Variants in DLG2 observed in about 807,000 individuals in gnomAD.
The protein encoded by DLG2 is discs large MAGUK scaffold protein 2, also known as disks large homolog 2.
In DLG2, 45 loss-of-function variants were observed where a neutral mutation model predicts 132.5. The observed-to-expected ratio is 0.34, with a 90% CI of 0.27 to 0.44. DLG2 has a LOEUF of 0.44. Among genes scored for constraint, DLG2 ranks in the 20% least tolerant of loss-of-function variants. The pLI, the probability that DLG2 is intolerant of heterozygous loss-of-function variation, is 1.00. For missense variants in DLG2, 1,045 were observed against 1,196.9 expected (o/e 0.87, Z 1.87); for synonymous variants, 424 against 419.6 (o/e 1.01, Z -0.13).
chr11:85,370,362 T>A (rs982112698), intron 3 of DLG2, among the ~76,000 whole-genome samples: 1 of 152,166 alleles, frequency 6.6e-6, no homozygotes, highest in Non-Finnish European at 1.5e-5. Context: ...TTGAGTTAAA[T>A]TAGGAAAAAG....
intron 6 of DLG2, among the ~76,000 whole-genome samples, chr11:84,589,206 A>G (rs2099537080): frequency 6.6e-6 from 1 of 152,192 alleles, no homozygotes; most frequent in South Asian, 2.1e-4. Flanking sequence ...GGAGCTTGAG[A>G]TGAAAATAAA....
chr11:84,894,602 T>C (rs1244819374), intron 6 of DLG2, among the ~76,000 whole-genome samples: 1 of 152,102 alleles, frequency 6.6e-6, no homozygotes, highest in African/African-American at 2.4e-5. Flanking sequence ...ACAAGAATTG[T>C]TTGAGTAAAT....
intron 7 of DLG2, among the ~76,000 whole-genome samples, chr11:84,342,978 A>G (rs1286959208): frequency 1.3e-5 from 2 of 152,212 alleles, no homozygotes; most frequent in Non-Finnish European, 2.9e-5. Context: ...ACCAGGGATG[A>G]CACAATGCCC....
chr11:85,488,767 T>C (rs555102297), intron 3 of DLG2, among the ~76,000 whole-genome samples: 2 of 152,120 alleles, frequency 1.3e-5, no homozygotes, highest in Non-Finnish European at 2.9e-5. Flanking sequence ...TTAATGTTCA[T>C]AAATGAAGGA....
chr11:83,537,328 C>T (rs916903257), intron 20 of DLG2, among the ~76,000 whole-genome samples: 1 of 152,106 alleles, frequency 6.6e-6, no homozygotes, highest in Non-Finnish European at 1.5e-5. Flanking sequence ...CATCATTTGT[C>T]CTTCGGAGTT....
chr11:85,247,169 A>G (rs999292304), intron 4 of DLG2, among the ~76,000 whole-genome samples: 1 of 152,132 alleles, frequency 6.6e-6, no homozygotes, highest in Non-Finnish European at 1.5e-5. Flanking sequence ...TATCTGGGAT[A>G]CAATATAAGC....
At chr11:85,210,267 T>A (rs1042043824) in intron 4 of DLG2, among the ~76,000 whole-genome samples, 15 of 152,196 alleles carry the variant, frequency 9.9e-5, no homozygotes, top group Middle Eastern at 3.4e-3. Flanking sequence ...AACAGATGAA[T>A]AAGCCCTCAT....
chr11:85,387,045 A>T (rs890130393), intron 3 of DLG2, among the ~76,000 whole-genome samples: 1 of 151,428 alleles, frequency 6.6e-6, no homozygotes, highest in African/African-American at 2.4e-5. Context: ...ACACCACCAC[A>T]CTCAGATAAT....
intron 6 of DLG2, among the ~76,000 whole-genome samples, chr11:84,618,211 A>G (rs141982013): frequency 2.0e-5 from 3 of 152,184 alleles, no homozygotes; most frequent in East Asian, 3.9e-4. Context: ...GAGAAGTCCA[A>G]AGAGGTTGAA....
chr11:83,779,132 A>T (rs1308146974), intron 18 of DLG2, among the ~76,000 whole-genome samples: 1 of 152,206 alleles, frequency 6.6e-6, no homozygotes, highest in Non-Finnish European at 1.5e-5. Context: ...TTAATGTAAC[A>T]TATTAGGTGA....
chr11:83,953,600 A>G (rs189022413), intron 14 of DLG2, among the ~76,000 whole-genome samples: 14 of 152,252 alleles, frequency 9.2e-5, no homozygotes, highest in African/African-American at 3.4e-4. Context: ...GCAGGAAATC[A>G]CCCAGGGATT....
At chr11:84,499,599 C>T (rs1202465827) in intron 7 of DLG2, among the ~76,000 whole-genome samples, 1 of 152,098 alleles carries the variant, frequency 6.6e-6, no homozygotes, top group Non-Finnish European at 1.5e-5. Flanking sequence ...AAATATAATG[C>T]AAAGATTAAC....
chr11:83,843,836 C>T (rs2058092254), intron 16 of DLG2, among the ~76,000 whole-genome samples: 1 of 152,098 alleles, frequency 6.6e-6, no homozygotes. Context: ...TATTGAGATG[C>T]TATTTCCAGT....
At chr11:84,467,767 G>T (rs1286889557) in intron 7 of DLG2, among the ~76,000 whole-genome samples, 1 of 151,434 alleles carries the variant, frequency 6.6e-6, no homozygotes, top group East Asian at 1.9e-4. Flanking sequence ...CATCTCTTGT[G>T]TGGTAACACC....
chr11:84,112,166 AT>A (rs1195926252), intron 9 of DLG2, among the ~76,000 whole-genome samples: 1 of 151,368 alleles, frequency 6.6e-6, no homozygotes, highest in Non-Finnish European at 1.5e-5. Flanking sequence ...CACCCAGCTA[AT>A]TTTTGTATTT....
chr11:85,183,863 A>C (rs377081243), intron 4 of DLG2, among the ~76,000 whole-genome samples: 4 of 151,974 alleles, frequency 2.6e-5, no homozygotes, highest in Non-Finnish European at 5.9e-5. Flanking sequence ...CAATGGAAGG[A>C]AAAAATAAAA....
At chr11:83,725,044 A>C in intron 18 of DLG2, 2 of 601,730 alleles carry the variant, frequency 3.3e-6, no homozygotes, top group Non-Finnish European at 6.0e-6. Context: ...CTACCTTCCC[A>C]GGCTAGTGGC....
intron 3 of DLG2, among the ~76,000 whole-genome samples, chr11:85,531,702 G>T (rs772015335): frequency 1.3e-5 from 2 of 152,156 alleles, no homozygotes; most frequent in African/African-American, 4.8e-5. Flanking sequence ...ACAATAAAGT[G>T]AGCCTGTGAC....
In DLG2 at chr11:85,387,242, A is replaced by T. The variant is rs537051291; in HGVS notation, c.41-101877T>A. Among the ~76,000 whole-genome samples, 6 of 152,284 alleles carry T rather than the reference A, an allele frequency of 3.9e-5. No individual in the cohort carries two copies. The East Asian group carries it at 1.2e-3, about 29-fold the overall frequency. On this transcript the variant is annotated intron_variant, in intron 3 of 27. Transcript: ENST00000376104. ...AAGAACATTCCAGTGCACACCAATTATTGCAAATTGTACTCTACAACATTT... is the reference window on the plus strand; with the variant it reads ...AAGAACATTCCAGTGCACACCAATTTTTGCAAATTGTACTCTACAACATTT...
Sources: allele counts gnomAD v4.1 joint callset (sites outside exome capture counted in the v4.1 genomes callset), GRCh38; gene constraint gnomAD v4.1.1; transcripts MANE v1.5; gene names NCBI Gene and HGNC (gene_info 2026-07-23, HGNC 2026-07-21).